The following MEF2C variants were observed in gnomAD, a reference collection of about 807,000 sequenced individuals.
MEF2C encodes the protein myocyte enhancer factor 2C, also known as myocyte-specific enhancer factor 2C.
Under a neutral mutation model 50.5 loss-of-function variants are expected in MEF2C, and 6 were observed. The ratio of observed to expected loss-of-function variants is 0.12; its 90% CI spans 0.07 to 0.23. The LOEUF is 0.23. Ranked by LOEUF, MEF2C falls within the 10% of genes least tolerant of loss-of-function variation. The probability of loss-of-function intolerance (pLI) is 1.00; values close to 1 mark genes in which losing one functional copy is unlikely to be tolerated. For synonymous variants in MEF2C, 183 were observed against 228.0 expected (o/e 0.80, Z 1.78); for missense variants, 276 against 605.0 (o/e 0.46, Z 5.70).
At chr5:88,858,242 C>A (rs1489008420) in intron 1 of MEF2C, among the ~76,000 whole-genome samples, 1 of 152,184 alleles carries the variant, frequency 6.6e-6, no homozygotes, top group Non-Finnish European at 1.5e-5. Flanking sequence ...TCAAGACCAA[C>A]CTCTACATTC....
rs112841438 is a variant in MEF2C at position 88,742,558 on chromosome 5, T to A, written c.637+6512A>T. The A allele has an allele frequency of 7.8e-4, 765 of 982,602 alleles. 4 individuals carry two copies. In the African/African-American group the frequency reaches 0.013, roughly 16 times the overall value. 60.9% of individuals were successfully genotyped at this position (982,602 alleles called of 1,614,324 possible). A position where few individuals can be genotyped will look rare whatever the true frequency, so the allele number is the denominator to read the frequency against. On this transcript the variant is annotated intron_variant, in intron 6 of 10. Transcript: ENST00000504921. ...CAATTTGTGAAGTCAGAAATCAGGA[T>A]AAACAAAGGGCTCTAAAATCTGCTA... is the stretch of plus-strand genomic sequence containing the variant.
intron 1 of MEF2C, among the ~76,000 whole-genome samples, chr5:88,875,586 ATTGTT>A (rs1830799483): frequency 6.6e-6 from 1 of 151,912 alleles, no homozygotes; most frequent in Non-Finnish European, 1.5e-5. Context: ...TCTCACACCT[ATTGTT>A]TTATGTATTC....
chr5:88,795,453 G>T (rs1326356135), intron 3 of MEF2C, among the ~76,000 whole-genome samples: 2 of 152,092 alleles, frequency 1.3e-5, no homozygotes, highest in Admixed American at 1.3e-4. Context: ...TCTGTTATTG[G>T]TGTATAGGAA....
rs1169605093 is a variant in MEF2C at position 88,797,454 on chromosome 5, C to CTTTTTTTTTTTT, written c.258+7143_258+7144insAAAAAAAAAAAA. 5.9e-4 allele frequency among the ~76,000 whole-genome samples: 15 copies of CTTTTTTTTTTTT among 25,242 alleles called. 4 individuals are homozygous for CTTTTTTTTTTTT. The highest frequency in any genetic ancestry group is 2.7e-3 in the East Asian group (3 of 1,094). 16.6% of individuals were successfully genotyped at this position (25,242 alleles called of 152,430 possible). A position where few individuals can be genotyped will look rare whatever the true frequency, so the allele number is the denominator to read the frequency against. On this transcript the variant is annotated intron_variant, in intron 3 of 10. Transcript: ENST00000504921. Reference sequence around the variant, plus strand: ...TCACAGACTAGGATTGCAACCCTTGCCTTTTTTTTTTTTTTTTTTTTTTTT... The same window carrying CTTTTTTTTTTTT: ...TCACAGACTAGGATTGCAACCCTTGCTTTTTTTTTTTTCTTTTTTTTTTTTTTTTTTTTTTTT...
intron 6 of MEF2C, chr5:88,739,472 A>G (rs1173265122): frequency 2.1e-6 from 2 of 964,152 alleles, no homozygotes; most frequent in East Asian, 2.3e-4. Flanking sequence ...TAAGATTAAA[A>G]GTTAGTTTCC....
intron 1 of MEF2C, among the ~76,000 whole-genome samples, chr5:88,868,952 TATA>T (rs1318526920): frequency 6.6e-6 from 1 of 151,958 alleles, no homozygotes; most frequent in Admixed American, 6.6e-5. Flanking sequence ...ACGTATACAT[TATA>T]ATATTTGATA....
At chr5:88,870,800 C>T (rs1010691055) in intron 1 of MEF2C, among the ~76,000 whole-genome samples, 1 of 152,030 alleles carries the variant, frequency 6.6e-6, no homozygotes, top group Non-Finnish European at 1.5e-5. Context: ...TCTACCACAG[C>T]CTGGTACAAA....
At chr5:88,854,835 C>A (rs1279129440) in intron 1 of MEF2C, among the ~76,000 whole-genome samples, 1 of 152,130 alleles carries the variant, frequency 6.6e-6, no homozygotes, top group Non-Finnish European at 1.5e-5. Context: ...ACTGAAGTCA[C>A]AAAAGTTGAT....
intron 5 of MEF2C, chr5:88,751,591 T>C: frequency 1.1e-6 from 1 of 933,218 alleles, no homozygotes; most frequent in Non-Finnish European, 1.3e-6. Flanking sequence ...GACATCCTGT[T>C]TGAGAGTATG....
At chr5:88,748,135 A>G (rs1770809397) in intron 6 of MEF2C, 8 of 981,894 alleles carry the variant, frequency 8.1e-6, no homozygotes, top group Non-Finnish European at 8.5e-6. Flanking sequence ...AAATAGATAT[A>G]TTTATAAAAA....
intron 10 of MEF2C, among the ~76,000 whole-genome samples, chr5:88,725,824 T>C (rs1758466167): frequency 6.6e-6 from 1 of 152,172 alleles, no homozygotes; most frequent in Admixed American, 6.5e-5. Context: ...TCTCAGTATG[T>C]ACTGAACACC....
chr5:88,876,540 C>T (rs866034884), intron 1 of MEF2C, among the ~76,000 whole-genome samples: 10 of 151,888 alleles, frequency 6.6e-5, no homozygotes, highest in South Asian at 2.1e-4. Flanking sequence ...GTATAAATCG[C>T]GTGTTTATTA....
intron 3 of MEF2C, chr5:88,772,905 G>T: frequency 2.0e-6 from 2 of 985,458 alleles, no homozygotes; most frequent in Non-Finnish European, 2.4e-6. Flanking sequence ...TGCTAATTGA[G>T]GGTTTTGCCT....
At chr5:88,825,698 CTG>C in intron 1 of MEF2C, 4 of 872,046 alleles carry the variant, frequency 4.6e-6, no homozygotes, top group Non-Finnish European at 4.1e-6. Context: ...GGCAACTTTC[CTG>C]TGTTTCCTAT....
rs563413987 is a variant in MEF2C at position 88,850,014 on chromosome 5, C to T, written c.-142-26084G>A. On this transcript the variant is annotated intron_variant, in intron 1 of 10. Coordinates refer to ENST00000504921, the MANE Select transcript of MEF2C (RefSeq NM_002397.5). ...GGTTAGTTACATATGTATACATGTG[C>T]CATGTTGGTGTGCTGCACCCATTAA... Among the ~76,000 whole-genome samples, 1,156 of 152,190 alleles carry T rather than the reference C, an allele frequency of 7.6e-3. 15 individuals are homozygous for T. Among genetic ancestry groups the T allele is most frequent in the Middle Eastern group, 0.017 (5 of 294 alleles).
intron 2 of MEF2C, among the ~76,000 whole-genome samples, chr5:88,813,214 G>T (rs1415715891): frequency 6.6e-6 from 1 of 151,980 alleles, no homozygotes; most frequent in Admixed American, 6.6e-5. Flanking sequence ...TATATTTATG[G>T]ATGTTTATTT....
intron 1 of MEF2C, among the ~76,000 whole-genome samples, chr5:88,845,819 C>G (rs1418245659): frequency 6.6e-6 from 1 of 152,166 alleles, no homozygotes; most frequent in Non-Finnish European, 1.5e-5. Flanking sequence ...CAACCTCCAC[C>G]TCCTGGGTTC....
At chr5:88,884,688 C>T (rs1388253732), upstream of MEF2C, 3 of 149,560 alleles carry the variant, frequency 2.0e-5, no homozygotes, top group South Asian at 2.1e-4. Context: ...TAGCCGATAG[C>T]TGATGACTTC....
At chr5:88,886,082 A>G (rs541399324), upstream of MEF2C, among the ~76,000 whole-genome samples, 2 of 152,308 alleles carry the variant, frequency 1.3e-5, no homozygotes, top group African/African-American at 4.8e-5. Context: ...TTGGCCTTTT[A>G]AAATACAGGA....
Sources: allele counts gnomAD v4.1 joint callset (sites outside exome capture counted in the v4.1 genomes callset), GRCh38; gene constraint gnomAD v4.1.1; transcripts MANE v1.5; gene names NCBI Gene and HGNC (gene_info 2026-07-23, HGNC 2026-07-21).